Variants in CFAP299 observed in about 807,000 individuals in gnomAD.
CFAP299 encodes the protein cilia and flagella associated protein 299, also known as cilia- and flagella-associated protein 299.
CFAP299 carries 21 observed loss-of-function variants against 27.0 expected under a neutral mutation model. The ratio of observed to expected loss-of-function variants is 0.78; its 90% confidence interval spans 0.55 to 1.12. The LOEUF (loss-of-function observed/expected upper bound fraction) is 1.12, where lower values mean the gene tolerates loss of function less well. Among genes scored for constraint, CFAP299 ranks in the 50% most tolerant of loss-of-function variants. CFAP299 has a pLI of 0.00. For missense variants in CFAP299, 310 were observed against 276.6 expected (o/e 1.12, Z -0.86); for synonymous variants, 104 against 98.1 (o/e 1.06, Z -0.36).
chr4:80,397,313 G>A (rs1442635957), intron 2 of CFAP299, among the ~76,000 whole-genome samples: 1 of 151,826 alleles, frequency 6.6e-6, no homozygotes, highest in African/African-American at 2.4e-5. Context: ...CAATTTTGTT[G>A]ATCTTTTCAG....
intron 2 of CFAP299, among the ~76,000 whole-genome samples, chr4:80,564,598 C>CT (rs148261971): frequency 0.12 from 17,728 of 151,858 alleles, 1,193 homozygotes; most frequent in South Asian, 0.23. Flanking sequence ...AACTGAAACT[C>CT]TAAGATCTGG....
chr4:80,490,885 G>T lies in CFAP299; in HGVS notation c.243-92208G>T, dbSNP rs574516417. Among the ~76,000 whole-genome samples the T allele has an allele frequency of 2.0e-5, 3 of 151,228 alleles. No homozygotes were observed. The East Asian group carries it at 5.9e-4, about 30-fold the overall frequency. The stretch of plus-strand genomic sequence containing the variant: ...CATAATTCACCTATTACTTTTTATT[G>T]TATAAATTTTGATTTCTACAGTATT... On this transcript the variant is annotated intron_variant, in intron 2 of 5. Coordinates refer to ENST00000358105, the MANE Select transcript of CFAP299 (RefSeq NM_152770.3).
At chr4:80,892,245 C>T (rs1410564983) in intron 4 of CFAP299, among the ~76,000 whole-genome samples, 1 of 152,104 alleles carries the variant, frequency 6.6e-6, no homozygotes, top group African/African-American at 2.4e-5. Context: ...GTGCCAAAAA[C>T]ATACACCAGG....
At chr4:80,872,168 CTAAG>C (rs1733132900) in intron 4 of CFAP299, 1 of 151,836 alleles carries the variant, frequency 6.6e-6, no homozygotes, top group African/African-American at 2.4e-5. Flanking sequence ...TAATTTTTTT[CTAAG>C]TAAGAAATTT....
At chr4:80,642,716 A>G (rs1353960363) in intron 3 of CFAP299, among the ~76,000 whole-genome samples, 1 of 151,998 alleles carries the variant, frequency 6.6e-6, no homozygotes, top group African/African-American at 2.4e-5. Flanking sequence ...GTGAACCGAG[A>G]TCACACCACT....
intron 3 of CFAP299, among the ~76,000 whole-genome samples, chr4:80,726,116 C>T (rs1723146819): frequency 6.6e-6 from 1 of 151,942 alleles, no homozygotes; most frequent in Non-Finnish European, 1.5e-5. Context: ...CCTTCACTCA[C>T]TTCTTCCCTT....
intron 3 of CFAP299, among the ~76,000 whole-genome samples, chr4:80,673,317 G>T (rs1377542421): frequency 1.3e-5 from 2 of 152,160 alleles, no homozygotes; most frequent in Non-Finnish European, 2.9e-5. Context: ...TAGTTGAGCG[G>T]TTTTGAGTGA....
intron 4 of CFAP299, among the ~76,000 whole-genome samples, chr4:80,874,800 C>T (rs1286872218): frequency 1.3e-5 from 2 of 152,112 alleles, no homozygotes; most frequent in Non-Finnish European, 2.9e-5. Flanking sequence ...GACTGGTGCT[C>T]TCTAGTAGGG....
At chr4:80,812,503 A>G (rs1250715415) in intron 3 of CFAP299, among the ~76,000 whole-genome samples, 3 of 152,138 alleles carry the variant, frequency 2.0e-5, no homozygotes, top group African/African-American at 7.2e-5. Flanking sequence ...CTGTATTATG[A>G]AAAGCTGCTT....
At chr4:80,901,881 T>G (rs1734917488) in intron 4 of CFAP299, among the ~76,000 whole-genome samples, 1 of 152,154 alleles carries the variant, frequency 6.6e-6, no homozygotes, top group African/African-American at 2.4e-5. Context: ...TCTCAAGGAT[T>G]ACCAGCTGAG....
chr4:80,914,002 T>A (rs1735617866), intron 4 of CFAP299, among the ~76,000 whole-genome samples: 1 of 152,198 alleles, frequency 6.6e-6, no homozygotes. Flanking sequence ...TTGAGAGTCA[T>A]CCATGCGTTC....
chr4:80,638,696 T>A (rs59550358), intron 3 of CFAP299, among the ~76,000 whole-genome samples: 6,930 of 152,208 alleles, frequency 0.046, 556 homozygotes, highest in African/African-American at 0.16. Flanking sequence ...GTTCTATTAT[T>A]CTCTTTTAGT....
At chr4:80,325,350 G>T in the CFAP299 span, among the ~76,000 whole-genome samples, 1,333 of 152,288 alleles carry the variant, frequency 8.8e-3, 12 homozygotes, top group Middle Eastern at 0.031. Context: ...TTTGGCAAGT[G>T]ATAATAGTAT....
intron 3 of CFAP299, among the ~76,000 whole-genome samples, chr4:80,736,857 T>G (rs1723918154): frequency 6.6e-6 from 1 of 152,110 alleles, no homozygotes; most frequent in African/African-American, 2.4e-5. Context: ...TAAAGACACA[T>G]GCACAGGTAT....
At chr4:80,467,160 C>T (rs560210332) in intron 2 of CFAP299, among the ~76,000 whole-genome samples, 5 of 152,218 alleles carry the variant, frequency 3.3e-5, no homozygotes, top group African/African-American at 4.8e-5. Context: ...CAATTGAGCA[C>T]GACACTTCTC....
chr4:80,459,190 A>G (rs1033783592), intron 2 of CFAP299, among the ~76,000 whole-genome samples: 1 of 152,040 alleles, frequency 6.6e-6, no homozygotes, highest in Non-Finnish European at 1.5e-5. Flanking sequence ...GGGTCTCCCT[A>G]TGTTGCCCAG....
In CFAP299 at chr4:80,947,070, T is replaced by C. The variant is rs375855177; in HGVS notation, c.606+2131T>C. On this transcript the variant is annotated intron_variant, in intron 5 of 5. Transcript: ENST00000358105. ...GTCTTTGGGGAATCATTATTGAATG[T>C]GAACTGTTGCTTAAACATCGTTCAA... Among the ~76,000 whole-genome samples, 616 of 152,324 alleles carry C rather than the reference T, an allele frequency of 4.0e-3. 1 individual carries two copies. The highest frequency in any genetic ancestry group is 0.014 in the Middle Eastern group (4 of 294).
chr4:80,398,141 G>A (rs1384886251), intron 2 of CFAP299, among the ~76,000 whole-genome samples: 1 of 152,094 alleles, frequency 6.6e-6, no homozygotes, highest in Non-Finnish European at 1.5e-5. Context: ...GCATGTGAAG[G>A]ACCTCTTCAA....
At chr4:80,948,977 T>C (rs1737621596) in intron 5 of CFAP299, among the ~76,000 whole-genome samples, 1 of 152,170 alleles carries the variant, frequency 6.6e-6, no homozygotes, top group Non-Finnish European at 1.5e-5. Context: ...ATGCAAGAAT[T>C]TATTGCTGAA....
Sources: allele counts gnomAD v4.1 joint callset (sites outside exome capture counted in the v4.1 genomes callset), GRCh38; gene constraint gnomAD v4.1.1; transcripts MANE v1.5; gene names NCBI Gene and HGNC (gene_info 2026-07-23, HGNC 2026-07-21).